The following KCNH8 variants were observed in gnomAD, a reference collection of about 807,000 sequenced individuals.
KCNH8 encodes the protein potassium voltage-gated channel subfamily H member 8, also known as voltage-gated delayed rectifier potassium channel KCNH8.
A neutral mutation model predicts 103.6 loss-of-function variants in KCNH8; 70 were observed. That is an observed-to-expected ratio of 0.68 (90% CI 0.56 to 0.82). The LOEUF is 0.82. Among genes scored for constraint, KCNH8 ranks in the 40% least tolerant of loss-of-function variants. The probability of loss-of-function intolerance (pLI) is 0.00; values close to 1 mark genes in which losing one functional copy is unlikely to be tolerated. For synonymous variants in KCNH8, 498 were observed against 489.4 expected (o/e 1.02, Z -0.23); for missense variants, 1,217 against 1,329.9 (o/e 0.92, Z 1.32).
intron 1 of KCNH8, among the ~76,000 whole-genome samples, chr3:19,196,352 T>TTCGGA (rs2063601932): frequency 6.6e-6 from 1 of 152,006 alleles, no homozygotes; most frequent in Admixed American, 6.6e-5. Flanking sequence ...ATCCCATGTG[T>TTCGGA]TCGGAAGTTT....
At chr3:19,269,406 CTT>C (rs1214141370) in intron 2 of KCNH8, among the ~76,000 whole-genome samples, 2 of 151,980 alleles carry the variant, frequency 1.3e-5, no homozygotes, top group African/African-American at 4.8e-5. Context: ...TAAAAGAAAT[CTT>C]GTTAAAAATG....
intron 11 of KCNH8, among the ~76,000 whole-genome samples, chr3:19,475,443 CCATGTGATAACT>C (rs2067953449): frequency 6.6e-6 from 1 of 152,082 alleles, no homozygotes; most frequent in African/African-American, 2.4e-5. Flanking sequence ...AACCAGGTTG[CCATGTGATAACT>C]CTAAATGCTT....
At chr3:19,315,634 G>A (rs2065263619) in intron 3 of KCNH8, among the ~76,000 whole-genome samples, 1 of 151,900 alleles carries the variant, frequency 6.6e-6, no homozygotes, top group Non-Finnish European at 1.5e-5. Flanking sequence ...TTAGTAGTTG[G>A]CTACTATGTT....
At chr3:19,450,534 G>A (rs1489129636) in intron 9 of KCNH8, 4 of 522,880 alleles carry the variant, frequency 7.6e-6, no homozygotes, top group African/African-American at 1.9e-5. Context: ...CTGCTTATTC[G>A]ATCAGGTGGA....
intron 1 of KCNH8, among the ~76,000 whole-genome samples, chr3:19,201,531 G>C (rs1397366831): frequency 6.6e-6 from 1 of 151,992 alleles, no homozygotes; most frequent in Non-Finnish European, 1.5e-5. Context: ...GACAGAGTGG[G>C]GGAACTTGAA....
intron 3 of KCNH8, among the ~76,000 whole-genome samples, chr3:19,328,928 G>A (rs943672099): frequency 2.6e-5 from 4 of 152,170 alleles, no homozygotes; most frequent in East Asian, 1.9e-4. Context: ...GATAAATACT[G>A]TCAGAAATAT....
chr3:19,247,894 G>A (rs534544826), intron 1 of KCNH8, among the ~76,000 whole-genome samples: 21 of 152,126 alleles, frequency 1.4e-4, no homozygotes, highest in Non-Finnish European at 2.6e-4. Flanking sequence ...TACAAAGGGA[G>A]AATGGTTTGT....
chr3:19,244,098 C>T (rs2064175106), intron 1 of KCNH8, among the ~76,000 whole-genome samples: 1 of 152,274 alleles, frequency 6.6e-6, no homozygotes, highest in South Asian at 2.1e-4. Context: ...TAAAACCACA[C>T]TTAGCTGCAT....
At chr3:19,247,913 A>T (rs1377586077) in intron 1 of KCNH8, among the ~76,000 whole-genome samples, 2 of 152,184 alleles carry the variant, frequency 1.3e-5, no homozygotes, top group African/African-American at 2.4e-5. Context: ...GTATCTGCCT[A>T]ATCTTCTTGA....
At chr3:19,185,784 A>G (rs969224530) in intron 1 of KCNH8, among the ~76,000 whole-genome samples, 2 of 151,952 alleles carry the variant, frequency 1.3e-5, no homozygotes, top group African/African-American at 4.8e-5. Flanking sequence ...CTACATTCTA[A>G]TTACTGGTAA....
chr3:19,366,668 T>C (rs2066015356), intron 5 of KCNH8, among the ~76,000 whole-genome samples: 1 of 151,946 alleles, frequency 6.6e-6, no homozygotes, highest in African/African-American at 2.4e-5. Flanking sequence ...TTTCTTAAAG[T>C]ATAAAAAAAT....
intron 3 of KCNH8, among the ~76,000 whole-genome samples, chr3:19,311,655 C>G (rs1010659852): frequency 4.1e-4 from 62 of 151,896 alleles, no homozygotes; most frequent in South Asian, 8.3e-4. Context: ...CAGTTTATCC[C>G]TCACAGACTC....
chr3:19,174,674 A>C (rs2125196419), intron 1 of KCNH8, among the ~76,000 whole-genome samples: 2 of 152,300 alleles, frequency 1.3e-5, no homozygotes, highest in South Asian at 4.1e-4. Flanking sequence ...CATTTACTAC[A>C]CGCTTTTGGA....
chr3:19,171,985 C>T (rs757222191), intron 1 of KCNH8, among the ~76,000 whole-genome samples: 2 of 152,078 alleles, frequency 1.3e-5, no homozygotes, highest in Non-Finnish European at 2.9e-5. Flanking sequence ...ATAGTGATTC[C>T]CTTTCTCAAT....
intron 3 of KCNH8, among the ~76,000 whole-genome samples, chr3:19,341,369 T>C (rs1183401779): frequency 1.3e-5 from 2 of 152,104 alleles, no homozygotes; most frequent in African/African-American, 4.8e-5. Context: ...CAATTATCAT[T>C]TCAGAGAGAC....
intron 11 of KCNH8, among the ~76,000 whole-genome samples, chr3:19,466,798 A>G (rs2067747980): frequency 6.6e-6 from 1 of 150,792 alleles, no homozygotes; most frequent in Non-Finnish European, 1.5e-5. Context: ...AGTAGCTGGG[A>G]TTACAGGCAT....
intron 4 of KCNH8, among the ~76,000 whole-genome samples, chr3:19,343,944 G>A (rs12488588): frequency 0.092 from 13,912 of 150,830 alleles, 665 homozygotes; most frequent in Middle Eastern, 0.15. Context: ...CATCAACCAT[G>A]TCCGTGCTGG....
At chr3:19,213,564 T>C (rs991681489) in intron 1 of KCNH8, among the ~76,000 whole-genome samples, 4 of 152,218 alleles carry the variant, frequency 2.6e-5, no homozygotes, top group African/African-American at 4.8e-5. Flanking sequence ...AGCTCTTGAA[T>C]TGAGACTTTA....
intron 1 of KCNH8, among the ~76,000 whole-genome samples, chr3:19,156,009 T>C (rs1329354057): frequency 6.6e-6 from 1 of 152,208 alleles, no homozygotes; most frequent in Non-Finnish European, 1.5e-5. Context: ...GTATTAATTA[T>C]ATTTATCTCC....
Sources: gnomAD v4.1 joint callset for allele counts (sites outside exome capture counted in the v4.1 genomes callset) on GRCh38, gnomAD v4.1.1 for gene constraint, MANE v1.5 for transcripts, NCBI Gene and HGNC (gene_info 2026-07-23, HGNC 2026-07-21) for gene names.